Variants in CCSER1 observed in about 807,000 individuals in gnomAD.
CCSER1 encodes the protein serine-rich coiled-coil domain-containing protein 1.
Under a neutral mutation model 82.0 loss-of-function variants are expected in CCSER1, and 41 were observed. The ratio of observed to expected loss-of-function variants is 0.50; its 90% confidence interval spans 0.39 to 0.65. CCSER1 has a LOEUF of 0.65. Ranked by LOEUF, CCSER1 falls within the 30% of genes least tolerant of loss-of-function variation. CCSER1 has a pLI of 0.00. For synonymous variants in CCSER1, 414 were observed against 383.9 expected (o/e 1.08, Z -0.92); for missense variants, 1,119 against 1,064.2 (o/e 1.05, Z -0.72).
In CCSER1 at chr4:90,868,375, C is replaced by T. The variant is rs1458588534; in HGVS notation, c.2094+52530C>T. Among the ~76,000 whole-genome samples the T allele has an allele frequency of 4.6e-5, 7 of 152,158 alleles. No homozygotes were observed. In the East Asian group the frequency reaches 1.4e-3, roughly 30 times the overall value. On this transcript the variant is annotated intron_variant, in intron 8 of 10. Transcript: ENST00000509176. ...TACTACCCTCTCCAGCCTTCGGTTA[C>T]CATCTTCCTACTCTCTATCTCGATG...
chr4:91,326,451 G>A (rs1024233835), intron 10 of CCSER1, among the ~76,000 whole-genome samples: 1 of 152,130 alleles, frequency 6.6e-6, no homozygotes, highest in Non-Finnish European at 1.5e-5. Context: ...CAGTAAGGGG[G>A]AAATCTGCCT....
chr4:91,220,149 G>A (rs950301861), intron 10 of CCSER1, among the ~76,000 whole-genome samples: 3 of 152,170 alleles, frequency 2.0e-5, no homozygotes, highest in Non-Finnish European at 2.9e-5. Flanking sequence ...GTAGGCCAAA[G>A]GTAGCAAGTG....
intron 1 of CCSER1, among the ~76,000 whole-genome samples, chr4:90,196,203 T>C (rs1255687052): frequency 1.3e-5 from 2 of 151,804 alleles, no homozygotes; most frequent in Non-Finnish European, 2.9e-5. Flanking sequence ...TTTTCTCTCC[T>C]AATAAAGGGG....
intron 10 of CCSER1, among the ~76,000 whole-genome samples, chr4:91,105,524 T>C (rs1044785282): frequency 6.6e-6 from 1 of 151,806 alleles, no homozygotes; most frequent in Non-Finnish European, 1.5e-5. Flanking sequence ...GCCAATATGG[T>C]GAAACCCCAT....
At chr4:91,290,620 T>C (rs1054473728) in intron 10 of CCSER1, among the ~76,000 whole-genome samples, 15 of 151,970 alleles carry the variant, frequency 9.9e-5, no homozygotes, top group African/African-American at 3.6e-4. Context: ...TACTATCCCA[T>C]ACCTCTATAC....
intron 10 of CCSER1, among the ~76,000 whole-genome samples, chr4:91,362,729 G>A (rs950628135): frequency 6.6e-6 from 1 of 151,300 alleles, no homozygotes; most frequent in African/African-American, 2.4e-5. Flanking sequence ...TCCTTTTTTT[G>A]TTTTTTCTAA....
At chr4:91,381,882 C>T (rs1417335628) in intron 10 of CCSER1, among the ~76,000 whole-genome samples, 2 of 152,112 alleles carry the variant, frequency 1.3e-5, no homozygotes, top group Non-Finnish European at 2.9e-5. Context: ...TTTTATCTAC[C>T]TTTGGTCTTT....
intron 5 of CCSER1, among the ~76,000 whole-genome samples, chr4:90,610,412 A>T (rs961600988): frequency 2.0e-5 from 3 of 152,174 alleles, no homozygotes; most frequent in Non-Finnish European, 2.9e-5. Context: ...TGTCTTAAAC[A>T]TGTGAGAAGA....
chr4:91,141,701 C>CT (rs1465085846), intron 10 of CCSER1, among the ~76,000 whole-genome samples: 3 of 152,082 alleles, frequency 2.0e-5, no homozygotes, highest in Non-Finnish European at 2.9e-5. Flanking sequence ...TGAGAAATCT[C>CT]TAAACTGCTT....
chr4:91,223,150 A>G (rs1737884362), intron 10 of CCSER1, among the ~76,000 whole-genome samples: 1 of 152,158 alleles, frequency 6.6e-6, no homozygotes, highest in South Asian at 2.1e-4. Flanking sequence ...TGCTAAACAA[A>G]ACAAAATGAA....
Position 90,529,305 on chromosome 4 carries a change from C to G in CCSER1, c.1724+60951C>G, listed in dbSNP as rs77466613. Among the ~76,000 whole-genome samples the G allele has an allele frequency of 9.1e-4, 139 of 152,232 alleles. No individual in the cohort carries two copies. In the Middle Eastern group the frequency reaches 0.014, roughly 15 times the overall value. On this transcript the variant is annotated intron_variant, in intron 5 of 10. Transcript: ENST00000509176. The stretch of plus-strand genomic sequence containing the variant: ...TTTTGGCTCACTGCAAACTCCGACT[C>G]TCAGGATCAAGTAATTCTCATTCCA...
chr4:91,169,079 C>T (rs550736533), intron 10 of CCSER1, among the ~76,000 whole-genome samples: 1 of 151,978 alleles, frequency 6.6e-6, no homozygotes, highest in Non-Finnish European at 1.5e-5. Context: ...ACAGGGACCT[C>T]TGCCTAGGAA....
chr4:90,897,946 T>C (rs1222651838), intron 8 of CCSER1, among the ~76,000 whole-genome samples: 1 of 152,086 alleles, frequency 6.6e-6, no homozygotes, highest in Non-Finnish European at 1.5e-5. Context: ...TTTGCCCACT[T>C]TTTGATGGAG....
intron 9 of CCSER1, among the ~76,000 whole-genome samples, chr4:90,995,871 GTTATTC>G (rs1737449053): frequency 6.6e-6 from 1 of 151,846 alleles, no homozygotes; most frequent in African/African-American, 2.4e-5. Context: ...TGATTCTTTT[GTTATTC>G]TTATTTTTTA....
intron 7 of CCSER1, among the ~76,000 whole-genome samples, chr4:90,759,032 T>G (rs1240092384): frequency 6.6e-6 from 1 of 152,200 alleles, no homozygotes; most frequent in South Asian, 2.1e-4. Context: ...TTTTGTCTTC[T>G]TACTGGAACA....
intron 10 of CCSER1, among the ~76,000 whole-genome samples, chr4:91,242,705 T>A (rs1181442403): frequency 6.6e-6 from 1 of 152,102 alleles, no homozygotes; most frequent in Non-Finnish European, 1.5e-5. Flanking sequence ...AATAAAAATA[T>A]TAGCCATGGA....
At chr4:90,395,252 T>G (rs192018432) in intron 3 of CCSER1, among the ~76,000 whole-genome samples, 15 of 152,350 alleles carry the variant, frequency 9.8e-5, no homozygotes, top group African/African-American at 3.1e-4. Context: ...ATGACACGAT[T>G]TCCTACTTTT....
At chr4:91,419,978 G>T (rs1461485161) in intron 10 of CCSER1, among the ~76,000 whole-genome samples, 2 of 152,012 alleles carry the variant, frequency 1.3e-5, no homozygotes, top group African/African-American at 4.8e-5. Context: ...AACTAATCTT[G>T]GGAAAACTGG....
At position 90,271,879 on chromosome 4, in the gene CCSER1, T is replaced by A. The variant is rs868824083; in HGVS notation, c.-41-36365T>A. 1.3e-3 allele frequency among the ~76,000 whole-genome samples: 140 copies of A among 109,888 alleles called. 2 individuals are homozygous for A. The highest frequency in any genetic ancestry group is 5.1e-3 in the African/African-American group (133 of 26,100). 72.1% of individuals were successfully genotyped at this position (109,888 alleles called of 152,430 possible). ...ATATATATATTTTTTTTTTTTTTTTTTTTTTTTTTTTAAAAGGAGGTTTAA... is the reference window on the plus strand; with the variant it reads ...ATATATATATTTTTTTTTTTTTTTTATTTTTTTTTTTAAAAGGAGGTTTAA... On this transcript the variant is annotated intron_variant, in intron 1 of 10. Coordinates refer to ENST00000509176, the MANE Select transcript of CCSER1 (RefSeq NM_001145065.2).
Sources: allele counts gnomAD v4.1 joint callset (sites outside exome capture counted in the v4.1 genomes callset), GRCh38; gene constraint gnomAD v4.1.1; transcripts MANE v1.5; gene names NCBI Gene and HGNC (gene_info 2026-07-23, HGNC 2026-07-21).